Variants in MAN2A1 observed in about 807,000 individuals in gnomAD.
MAN2A1 encodes the protein mannosidase alpha class 2A member 1, also known as alpha-mannosidase 2.
Under a neutral mutation model 142.6 loss-of-function variants are expected in MAN2A1, and 76 were observed. That is an observed-to-expected ratio of 0.53 (90% CI 0.44 to 0.65). The LOEUF (loss-of-function observed/expected upper bound fraction) is 0.65, where lower values mean the gene tolerates loss of function less well. MAN2A1 is among the 30% of genes least tolerant of loss of function. The pLI, the probability that MAN2A1 is intolerant of heterozygous loss-of-function variation, is 0.00. For missense variants in MAN2A1, 1,311 were observed against 1,365.1 expected (o/e 0.96, Z 0.62); for synonymous variants, 559 against 473.2 (o/e 1.18, Z -2.35).
chr5:109,732,623 C>T (rs1241854655), intron 4 of MAN2A1, among the ~76,000 whole-genome samples: 3 of 152,120 alleles, frequency 2.0e-5, no homozygotes, highest in African/African-American at 7.2e-5. Context: ...ATAGGGAATC[C>T]TTTCCCCATT....
At chr5:109,729,183 C>T (rs1040374287) in intron 3 of MAN2A1, among the ~76,000 whole-genome samples, 159 bp from the exon 4 acceptor site, 1 of 152,048 alleles carries the variant, frequency 6.6e-6, no homozygotes, top group African/African-American at 2.4e-5. Flanking sequence ...CCCATGACAA[C>T]TAAAATGGAG....
chr5:109,842,513 T>TTA (rs1300131411), intron 17 of MAN2A1, 52 bp downstream of exon 17: 2 of 1,221,098 alleles, frequency 1.6e-6, no homozygotes, highest in East Asian at 5.0e-5. Flanking sequence ...TGTGTAATTC[T>TTA]TATATATAAC....
Position 109,722,893 on chromosome 5 carries a change from A to C in MAN2A1, c.536-6449A>C, listed in dbSNP as rs1438660. On this transcript the variant is annotated intron_variant, in intron 3 of 21. Transcript: ENST00000261483. ...GTTTTCTCATTATTTCAAATAACCA[A>C]GCTCTGTTTGGGGAAGACTTACTAT... Among the ~76,000 whole-genome samples, 3 of 151,882 alleles carry C rather than the reference A, an allele frequency of 2.0e-5. No individual in the cohort carries two copies. In the East Asian group the frequency reaches 5.8e-4, roughly 29 times the overall value.
intron 2 of MAN2A1, among the ~76,000 whole-genome samples, chr5:109,715,729 TATC>T (rs1217969703): frequency 6.6e-6 from 1 of 152,190 alleles, no homozygotes; most frequent in Non-Finnish European, 1.5e-5. Context: ...CAAAGTAAAA[TATC>T]ATTTTCAGAA....
intron 1 of MAN2A1, among the ~76,000 whole-genome samples, chr5:109,702,622 A>G (rs1479880152): frequency 6.6e-6 from 1 of 152,190 alleles, no homozygotes; most frequent in Non-Finnish European, 1.5e-5. Context: ...GGGTCAAATA[A>G]CAACACTTGA....
At position 109,819,368 on chromosome 5, in the gene MAN2A1, C is replaced by G. The variant is rs1257115318; in HGVS notation, c.2110-301C>G. 2.6e-5 allele frequency among the ~76,000 whole-genome samples: 4 copies of G among 152,128 alleles called. No homozygotes were observed. In the East Asian group the frequency reaches 7.7e-4, roughly 29 times the overall value. On this transcript the variant is annotated intron_variant, in intron 13 of 21. Transcript: ENST00000261483. The stretch of plus-strand genomic sequence containing the variant: ...GCATTTGCATATAACCTGCACACAT[C>G]CTCTTGTGTATTTTAAATCATCTCT...
chr5:109,709,676 G>A (rs1323870537), intron 1 of MAN2A1, among the ~76,000 whole-genome samples: 1 of 152,152 alleles, frequency 6.6e-6, no homozygotes, highest in Non-Finnish European at 1.5e-5. Context: ...CTCTAAATTT[G>A]TTCTCTCAAA....
chr5:109,739,651 C>T (rs1006583136), intron 4 of MAN2A1, among the ~76,000 whole-genome samples: 15 of 152,182 alleles, frequency 9.9e-5, no homozygotes, highest in Non-Finnish European at 1.9e-4. Flanking sequence ...ACAGCTGTAT[C>T]CACACCTGGA....
intron 12 of MAN2A1, among the ~76,000 whole-genome samples, chr5:109,813,722 T>C (rs1007300448): frequency 6.6e-6 from 1 of 152,230 alleles, no homozygotes; most frequent in South Asian, 2.1e-4. Flanking sequence ...AAATTCAGTA[T>C]TCCATAGTTG....
chr5:109,797,446 C>G (rs1753893390), intron 12 of MAN2A1, among the ~76,000 whole-genome samples: 2 of 151,750 alleles, frequency 1.3e-5, no homozygotes, highest in Admixed American at 6.6e-5. Context: ...ACTAGTGATG[C>G]TGAAGAGTAA....
chr5:109,728,382 C>A (rs1751803480), intron 3 of MAN2A1, among the ~76,000 whole-genome samples: 1 of 152,104 alleles, frequency 6.6e-6, no homozygotes, highest in South Asian at 2.1e-4. Flanking sequence ...AAACAATAGA[C>A]CAATAGTTCA....
intron 1 of MAN2A1, among the ~76,000 whole-genome samples, chr5:109,713,077 TA>T (rs1483554771): frequency 6.6e-6 from 1 of 152,206 alleles, no homozygotes; most frequent in Non-Finnish European, 1.5e-5. Context: ...CCACTAGTGT[TA>T]AGGGATTGAG....
intron 12 of MAN2A1, among the ~76,000 whole-genome samples, chr5:109,791,914 A>G (rs940620219): frequency 1.3e-5 from 2 of 152,072 alleles, no homozygotes; most frequent in African/African-American, 4.8e-5. Flanking sequence ...TAAACCTAAC[A>G]TAACTTTGTA....
chr5:109,704,614 T>G lies in MAN2A1; in HGVS notation c.136-8906T>G, dbSNP rs115939615. Among the ~76,000 whole-genome samples, 761 of 152,276 alleles carry G rather than the reference T, an allele frequency of 5.0e-3. 6 individuals carry two copies. Among genetic ancestry groups the G allele is most frequent in the African/African-American group, 0.017 (717 of 41,550 alleles). On this transcript the variant is annotated intron_variant, in intron 1 of 21. Transcript: ENST00000261483. ...TGGAGTGGGCGCTTGGAGGGTTACCTGTCATTTTATCAAGCCCAAAAGCCT... is the reference window on the plus strand; with the variant it reads ...TGGAGTGGGCGCTTGGAGGGTTACCGGTCATTTTATCAAGCCCAAAAGCCT...
chr5:109,799,116 TCA>T (rs1362605996), intron 12 of MAN2A1, among the ~76,000 whole-genome samples: 1 of 152,202 alleles, frequency 6.6e-6, no homozygotes, highest in Non-Finnish European at 1.5e-5. Flanking sequence ...TGTCCCTGCC[TCA>T]CACATTTGTT....
chr5:109,760,913 C>T (rs998649519), intron 5 of MAN2A1, among the ~76,000 whole-genome samples: 20 of 151,670 alleles, frequency 1.3e-4, no homozygotes, highest in Non-Finnish European at 2.5e-4. Flanking sequence ...GGGTTGTTGC[C>T]TTTTTTAAAA....
intron 5 of MAN2A1, among the ~76,000 whole-genome samples, chr5:109,756,640 A>G (rs1752697551): frequency 6.6e-6 from 1 of 152,146 alleles, no homozygotes; most frequent in Admixed American, 6.5e-5. Context: ...GTGTTGTTGT[A>G]GTGGTGCTGG....
intron 2 of MAN2A1, 71 bp downstream of exon 2, chr5:109,713,845 T>C: frequency 6.9e-7 from 1 of 1,441,090 alleles, no homozygotes; most frequent in East Asian, 2.3e-5. Context: ...TGACCTGATG[T>C]CTGTTCTGAC....
intron 12 of MAN2A1, among the ~76,000 whole-genome samples, chr5:109,802,536 G>A (rs1333570861): frequency 6.6e-6 from 1 of 152,114 alleles, no homozygotes; most frequent in Non-Finnish European, 1.5e-5. Context: ...CTAAAAAGAT[G>A]CATTATAGCA....
Sources: allele counts gnomAD v4.1 joint callset (sites outside exome capture counted in the v4.1 genomes callset), GRCh38; gene constraint gnomAD v4.1.1; transcripts MANE v1.5; gene names NCBI Gene and HGNC (gene_info 2026-07-23, HGNC 2026-07-21).